ZMAT4: variants seen among roughly 807,000 people sequenced by gnomAD.
ZMAT4 encodes zinc finger matrin-type 4.
Under a neutral mutation model 28.7 loss-of-function variants are expected in ZMAT4, and 17 were observed. The ratio of observed to expected loss-of-function variants is 0.59; its 90% CI spans 0.41 to 0.89. ZMAT4 has a LOEUF of 0.89. Among genes scored for constraint, ZMAT4 ranks in the 40% least tolerant of loss-of-function variants. The pLI is 0.00. For synonymous variants in ZMAT4, 117 were observed against 109.2 expected (o/e 1.07, Z -0.44); for missense variants, 240 against 283.8 (o/e 0.85, Z 1.11).
At chr8:40,536,243 A>G (rs989899677) in intron 6 of ZMAT4, among the ~76,000 whole-genome samples, 3 of 152,144 alleles carry the variant, frequency 2.0e-5, no homozygotes, top group African/African-American at 4.8e-5. Flanking sequence ...CTTTTTCTCC[A>G]TCAGCCCATA....
intron 6 of ZMAT4, among the ~76,000 whole-genome samples, chr8:40,567,585 G>C (rs1428401312): frequency 6.6e-6 from 1 of 151,744 alleles, no homozygotes; most frequent in Admixed American, 6.6e-5. Context: ...ACAAAAATTA[G>C]CTACTCCAGA....
At chr8:40,715,333 C>T (rs1397764329) in intron 3 of ZMAT4, among the ~76,000 whole-genome samples, 2 of 152,048 alleles carry the variant, frequency 1.3e-5, no homozygotes, top group African/African-American at 4.8e-5. Flanking sequence ...ATTATAAAGA[C>T]ATAGCTGGTA....
chr8:40,752,602 C>T (rs745533889), intron 3 of ZMAT4, among the ~76,000 whole-genome samples: 2 of 152,212 alleles, frequency 1.3e-5, no homozygotes, highest in Non-Finnish European at 2.9e-5. Context: ...GACGGGACAG[C>T]AACGTTCCAA....
intron 1 of ZMAT4, among the ~76,000 whole-genome samples, chr8:40,839,723 A>G (rs1316742897): frequency 1.3e-5 from 2 of 152,240 alleles, no homozygotes; most frequent in Non-Finnish European, 2.9e-5. Flanking sequence ...GTCAAAAGCC[A>G]GGCGTGTTCT....
intron 5 of ZMAT4, among the ~76,000 whole-genome samples, chr8:40,656,123 T>C (rs937467065): frequency 8.6e-5 from 13 of 152,030 alleles, no homozygotes; most frequent in Admixed American, 1.3e-4. Context: ...AATAACTCAA[T>C]TGAAGACCAA....
intron 3 of ZMAT4, among the ~76,000 whole-genome samples, chr8:40,760,501 A>G (rs1344143807): frequency 1.3e-5 from 2 of 152,214 alleles, no homozygotes; most frequent in African/African-American, 2.4e-5. Flanking sequence ...GATTGGGGGT[A>G]GGAGAGCTAA....
chr8:40,611,427 G>A (rs1805791365), intron 5 of ZMAT4, among the ~76,000 whole-genome samples: 1 of 151,636 alleles, frequency 6.6e-6, no homozygotes, highest in East Asian at 2.0e-4. Context: ...TGCAAGCTCC[G>A]CCTCCCAGGT....
chr8:40,806,677 G>T (rs1336742639), intron 2 of ZMAT4, among the ~76,000 whole-genome samples: 1 of 152,096 alleles, frequency 6.6e-6, no homozygotes, highest in Non-Finnish European at 1.5e-5. Context: ...GTGATGGACG[G>T]CACATATTTA....
chr8:40,873,413 A>G (rs1036951817), intron 1 of ZMAT4, among the ~76,000 whole-genome samples: 3 of 152,186 alleles, frequency 2.0e-5, no homozygotes, highest in African/African-American at 7.2e-5. Context: ...CAAATCAACG[A>G]CAGCCTTCTG....
chr8:40,567,132 A>C (rs1803949350), intron 6 of ZMAT4, among the ~76,000 whole-genome samples: 1 of 152,146 alleles, frequency 6.6e-6, no homozygotes, highest in Admixed American at 6.5e-5. Flanking sequence ...ATAGCACCAG[A>C]GGCCGTAGAT....
chr8:40,534,567 C>A (rs983650809), intron 6 of ZMAT4, among the ~76,000 whole-genome samples: 1 of 152,058 alleles, frequency 6.6e-6, no homozygotes, highest in Non-Finnish European at 1.5e-5. Flanking sequence ...ATTTCAATTG[C>A]GCCATATACA....
intron 2 of ZMAT4, chr8:40,786,682 AACTT>A: frequency 7.8e-7 from 1 of 1,287,932 alleles, no homozygotes; most frequent in South Asian, 1.2e-5. Context: ...TGTGCCTCCC[AACTT>A]ACGGGTCAGA....
intron 3 of ZMAT4, among the ~76,000 whole-genome samples, chr8:40,765,993 C>A (rs1813143137): frequency 6.6e-6 from 1 of 152,156 alleles, no homozygotes. Flanking sequence ...TACATAAAAG[C>A]TGGTGTAGGC....
chr8:40,786,748 C>T (rs543752300), intron 2 of ZMAT4: 1 of 1,289,252 alleles, frequency 7.8e-7, no homozygotes, highest in Non-Finnish European at 1.0e-6. Context: ...CTTAGTATGT[C>T]TAATGAAATT....
At chr8:40,614,952 G>A (rs550995493) in intron 5 of ZMAT4, among the ~76,000 whole-genome samples, 2 of 152,064 alleles carry the variant, frequency 1.3e-5, no homozygotes, top group East Asian at 1.9e-4. Flanking sequence ...TTATGTGTGA[G>A]TTTGATCCTG....
intron 5 of ZMAT4, among the ~76,000 whole-genome samples, chr8:40,632,114 G>A (rs935010245): frequency 1.3e-5 from 2 of 152,146 alleles, no homozygotes; most frequent in African/African-American, 4.8e-5. Flanking sequence ...ATTTATAGCT[G>A]TCTAGTGGTT....
At chr8:40,606,035 C>T (rs1376260183) in intron 5 of ZMAT4, among the ~76,000 whole-genome samples, 2 of 152,046 alleles carry the variant, frequency 1.3e-5, no homozygotes, top group Non-Finnish European at 2.9e-5. Context: ...TATCTTTTTC[C>T]ACCCCTTTAC....
chr8:40,720,054 A>G (rs1811014424), intron 3 of ZMAT4, among the ~76,000 whole-genome samples: 1 of 152,214 alleles, frequency 6.6e-6, no homozygotes, highest in Non-Finnish European at 1.5e-5. Flanking sequence ...CCATGAACCT[A>G]GGTCAACAAT....
At chr8:40,543,885 A>G (rs976898487) in intron 6 of ZMAT4, among the ~76,000 whole-genome samples, 1 of 152,216 alleles carries the variant, frequency 6.6e-6, no homozygotes, top group Non-Finnish European at 1.5e-5. Context: ...TATGATGAAT[A>G]CTATCATCAT....
Sources: gnomAD v4.1 joint callset for allele counts (sites outside exome capture counted in the v4.1 genomes callset) on GRCh38, gnomAD v4.1.1 for gene constraint, MANE v1.5 for transcripts, NCBI Gene and HGNC (gene_info 2026-07-23, HGNC 2026-07-21) for gene names.